The following CNTNAP2 variants were observed in gnomAD, a reference collection of about 807,000 sequenced individuals.
CNTNAP2 encodes contactin associated protein 2, also known as contactin-associated protein-like 2.
A neutral mutation model predicts 155.2 loss-of-function variants in CNTNAP2; 98 were observed. The observed-to-expected ratio is 0.63, with a 90% CI of 0.54 to 0.75. CNTNAP2 has a LOEUF of 0.75. CNTNAP2 is among the 30% of genes least tolerant of loss of function. CNTNAP2 has a pLI of 0.00. For synonymous variants in CNTNAP2, 651 were observed against 631.2 expected, an observed-to-expected ratio of 1.03 and a Z score of -0.47; for missense variants, 1,727 against 1,688.1, an observed-to-expected ratio of 1.02 and a Z score of -0.40.
At chr7:147,604,653 A>G (rs1272464624) in intron 12 of CNTNAP2, among the ~76,000 whole-genome samples, 1 of 152,190 alleles carries the variant, frequency 6.6e-6, no homozygotes, top group African/African-American at 2.4e-5. Context: ...CTGTTGTTTT[A>G]GAAGGGGAGA....
Position 146,955,083 on chromosome 7 carries a change from G to A in CNTNAP2, c.403-88824G>A, listed in dbSNP as rs145723290. Among the ~76,000 whole-genome samples the A allele has an allele frequency of 1.2e-3, 183 of 152,058 alleles. 1 individual carries two copies. The highest frequency in any genetic ancestry group is 4.3e-3 in the African/African-American group (177 of 41,542). On this transcript the variant is annotated intron_variant, in intron 3 of 23. Coordinates refer to ENST00000361727, the MANE Select transcript of CNTNAP2 (RefSeq NM_014141.6). The stretch of plus-strand genomic sequence containing the variant: ...CCTTATTTGGCATTGGATAGTGTAA[G>A]TAATTTTTTGCCCTGACAAAATATA...
At chr7:146,742,715 G>A (rs1472016094) in intron 1 of CNTNAP2, among the ~76,000 whole-genome samples, 1 of 152,128 alleles carries the variant, frequency 6.6e-6, no homozygotes, top group African/African-American at 2.4e-5. Context: ...TAGATGTAAA[G>A]ACTGGAGAAA....
intron 9 of CNTNAP2, among the ~76,000 whole-genome samples, chr7:147,340,697 T>A (rs1795746815): frequency 6.6e-6 from 1 of 152,176 alleles, no homozygotes; most frequent in South Asian, 2.1e-4. Flanking sequence ...TTGTAACAAA[T>A]AATGGTAATT....
intron 12 of CNTNAP2, among the ~76,000 whole-genome samples, chr7:147,576,768 A>G (rs979015713): frequency 2.6e-5 from 4 of 151,732 alleles, no homozygotes; most frequent in South Asian, 4.2e-4. Flanking sequence ...GTAACAAAAT[A>G]GCAGGTTTTG....
chr7:147,690,036 G>A (rs781429298), intron 13 of CNTNAP2, among the ~76,000 whole-genome samples: 1 of 151,436 alleles, frequency 6.6e-6, no homozygotes, highest in Non-Finnish European at 1.5e-5. Flanking sequence ...TCCGCCTCCA[G>A]TCTCCCTTCC....
chr7:147,084,594 T>C (rs1446160884), intron 4 of CNTNAP2, among the ~76,000 whole-genome samples: 1 of 146,374 alleles, frequency 6.8e-6, no homozygotes, highest in Non-Finnish European at 1.5e-5. Flanking sequence ...ATATAGCATA[T>C]ATAATGCTAT....
intron 12 of CNTNAP2, among the ~76,000 whole-genome samples, chr7:147,571,802 A>G (rs1325919192): frequency 6.6e-6 from 1 of 151,996 alleles, no homozygotes; most frequent in Admixed American, 6.6e-5. Context: ...TTCCTCCATT[A>G]TATTCCCTCT....
chr7:147,568,723 T>C (rs1167426223), intron 12 of CNTNAP2, among the ~76,000 whole-genome samples: 1 of 152,170 alleles, frequency 6.6e-6, no homozygotes, highest in African/African-American at 2.4e-5. Context: ...GCTTTTCATT[T>C]CCATTTTCTT....
Position 146,832,288 on chromosome 7 carries a change from G to A in CNTNAP2, c.209-7423G>A, listed in dbSNP as rs868268362. Among the ~76,000 whole-genome samples, 26 of 152,054 alleles carry A rather than the reference G, an allele frequency of 1.7e-4. 1 individual carries two copies. The highest frequency in any genetic ancestry group is 7.2e-4 in the Admixed American group (11 of 15,260). ...TGTTCAGAAGGTCTTAAAATTCATG[G>A]TGTCATGTCTTTTTTAGTTTTGAAT... On this transcript the variant is annotated intron_variant, in intron 2 of 23. Coordinates refer to ENST00000361727, the MANE Select transcript of CNTNAP2 (RefSeq NM_014141.6).
intron 3 of CNTNAP2, among the ~76,000 whole-genome samples, chr7:146,904,105 C>G (rs985142927): frequency 7.2e-5 from 11 of 152,172 alleles, no homozygotes; most frequent in Admixed American, 7.2e-4. Context: ...AGCTCAGGTT[C>G]TCAAAATAGC....
intron 13 of CNTNAP2, among the ~76,000 whole-genome samples, chr7:147,745,703 C>G (rs1797027985): frequency 6.6e-6 from 1 of 152,068 alleles, no homozygotes; most frequent in South Asian, 2.1e-4. Context: ...AGATTTAAAA[C>G]AAAATGCTCT....
At chr7:146,776,878 G>A (rs1396420154) in intron 2 of CNTNAP2, among the ~76,000 whole-genome samples, 1 of 152,084 alleles carries the variant, frequency 6.6e-6, no homozygotes, top group Non-Finnish European at 1.5e-5. Context: ...CTTCCAAAGT[G>A]TTAATATATT....
intron 1 of CNTNAP2, among the ~76,000 whole-genome samples, chr7:146,414,705 G>A (rs1451962505): frequency 6.6e-6 from 1 of 152,118 alleles, no homozygotes; most frequent in African/African-American, 2.4e-5. Context: ...AAAAATGCTG[G>A]GTTTGGAAGT....
chr7:146,953,367 T>A (rs2129228493), intron 3 of CNTNAP2, among the ~76,000 whole-genome samples: 1 of 152,074 alleles, frequency 6.6e-6, no homozygotes, highest in East Asian at 1.9e-4. Context: ...TAGTTTAAAC[T>A]AGTTTTCTCA....
chr7:146,376,565 T>C (rs576773856), intron 1 of CNTNAP2, among the ~76,000 whole-genome samples: 73 of 152,318 alleles, frequency 4.8e-4, no homozygotes, highest in African/African-American at 1.7e-3. Flanking sequence ...TTATTTTCTG[T>C]TATTTCATCT....
intron 11 of CNTNAP2, among the ~76,000 whole-genome samples, chr7:147,507,242 GAC>G (rs1444896244): frequency 6.6e-6 from 1 of 152,110 alleles, no homozygotes; most frequent in African/African-American, 2.4e-5. Context: ...TAGCAAATAT[GAC>G]ATATAGGAAA....
chr7:148,301,306 A>AAAAAAAAAAAAT, intron 21 of CNTNAP2, among the ~76,000 whole-genome samples: 3 of 103,868 alleles, frequency 2.9e-5, no homozygotes, highest in African/African-American at 1.1e-4. Context: ...AAAAAAAAAA[A>AAAAAAAAAAAAT]ATATATATAT....
chr7:147,542,778 T>G (rs1391265703), intron 11 of CNTNAP2, among the ~76,000 whole-genome samples: 1 of 152,234 alleles, frequency 6.6e-6, no homozygotes, highest in Admixed American at 6.5e-5. Flanking sequence ...AAGTTATTTC[T>G]CTATATTGTC....
chr7:147,387,143 T>G (rs1372837879), intron 9 of CNTNAP2, among the ~76,000 whole-genome samples: 1 of 152,078 alleles, frequency 6.6e-6, no homozygotes, highest in African/African-American at 2.4e-5. Context: ...CACATGGAAA[T>G]TGTGGGAGTT....
Sources: gnomAD v4.1 joint callset for allele counts (sites outside exome capture counted in the v4.1 genomes callset) on GRCh38, gnomAD v4.1.1 for gene constraint, MANE v1.5 for transcripts, NCBI Gene and HGNC (gene_info 2026-07-23, HGNC 2026-07-21) for gene names.